Variants in RTL4 observed in about 807,000 individuals in gnomAD.
The protein encoded by RTL4 is retrotransposon Gag like 4.
RTL4 carries 4 observed loss-of-function variants against 5.3 expected under a neutral mutation model. The observed-to-expected ratio is 0.75, with a 90% confidence interval of 0.37 to 1.72. The LOEUF is 1.72. Among genes scored for constraint, RTL4 ranks in the 40% most tolerant of loss-of-function variants. RTL4 has a pLI of 0.04. For synonymous variants in RTL4, 98 were observed against 87.3 expected, an observed-to-expected ratio of 1.12 and a Z score of -0.68; for missense variants, 260 against 227.1, an observed-to-expected ratio of 1.14 and a Z score of -0.93.
the RTL4 span, among the ~76,000 whole-genome samples, chrX:112,402,443 T>C: frequency 1.9e-5 from 2 of 103,481 alleles, no homozygotes; most frequent in East Asian, 6.1e-4. Flanking sequence ...TGTGTGTGTG[T>C]GTAAAAATGC....
At chrX:112,302,045 A>T in the RTL4 span, among the ~76,000 whole-genome samples, 2 of 109,881 alleles carry the variant, frequency 1.8e-5, no homozygotes, top group Non-Finnish European at 3.8e-5. Context: ...TGGATCACGA[A>T]GTCAAGAGAT....
At chrX:112,272,109 G>A in the RTL4 span, among the ~76,000 whole-genome samples, 3 of 111,827 alleles carry the variant, frequency 2.7e-5, no homozygotes, top group East Asian at 2.8e-4. Context: ...ATCATGCCAT[G>A]CATTAGATCT....
At chrX:112,175,723 A>G in the RTL4 span, among the ~76,000 whole-genome samples, 1 of 111,074 alleles carries the variant, frequency 9.0e-6, no homozygotes, top group African/African-American at 3.3e-5. Flanking sequence ...ATTGATGGGA[A>G]GTATCTCAAA....
At chrX:112,359,670 A>T in the RTL4 span, among the ~76,000 whole-genome samples, 1 of 111,140 alleles carries the variant, frequency 9.0e-6, no homozygotes, top group African/African-American at 3.3e-5. Flanking sequence ...AAGAAAAATA[A>T]GCAAGATTCA....
chrX:112,358,988 T>C, the RTL4 span, among the ~76,000 whole-genome samples: 2 of 111,718 alleles, frequency 1.8e-5, no homozygotes, highest in Non-Finnish European at 3.8e-5. Flanking sequence ...GGGTAATCAG[T>C]GCATCGTGGC....
At chrX:112,384,308 C>G in the RTL4 span, among the ~76,000 whole-genome samples, 1 of 111,649 alleles carries the variant, frequency 9.0e-6, no homozygotes, top group Admixed American at 9.5e-5. Context: ...ATGGTATGGC[C>G]CACGTTTTCT....
chrX:112,402,858 G>C, the RTL4 span, among the ~76,000 whole-genome samples: 2 of 111,312 alleles, frequency 1.8e-5, no homozygotes, highest in East Asian at 5.7e-4. Flanking sequence ...ACAGCTTTAA[G>C]GAAGGACAGA....
chrX:112,388,815 A>G, the RTL4 span, among the ~76,000 whole-genome samples: 7 of 111,523 alleles, frequency 6.3e-5, no homozygotes, highest in African/African-American at 2.3e-4. Context: ...TCGGTTTGCA[A>G]GTATTTTGTT....
chrX:112,416,655 G>T, the RTL4 span, among the ~76,000 whole-genome samples: 1 of 112,258 alleles, frequency 8.9e-6, no homozygotes, highest in African/African-American at 3.2e-5. Context: ...ATCAGGCAAG[G>T]CTTAGGTTGA....
chrX:112,393,161 G>GTTTTTTTTTTTTTTTTTTTTTTTT, the RTL4 span, among the ~76,000 whole-genome samples: 1 of 71,298 alleles, frequency 1.4e-5, no homozygotes, highest in Non-Finnish European at 2.8e-5. Context: ...TTTTTTTTTT[G>GTTTTTTTTTTTTTTTTTTTTTTTT]TTTTTTTTTT....
the RTL4 span, among the ~76,000 whole-genome samples, chrX:112,194,834 A>T: frequency 8.9e-6 from 1 of 112,240 alleles, no homozygotes; most frequent in South Asian, 3.7e-4. Flanking sequence ...CTCACATGCC[A>T]AACAGAATAT....
the RTL4 span, among the ~76,000 whole-genome samples, chrX:112,271,670 C>A: frequency 1.8e-5 from 2 of 111,384 alleles, no homozygotes; most frequent in African/African-American, 3.3e-5. Flanking sequence ...TATAATAAAC[C>A]AGTAAAAATT....
chrX:112,317,105 TAAAC>T, the RTL4 span, among the ~76,000 whole-genome samples: 2 of 110,594 alleles, frequency 1.8e-5, no homozygotes, highest in Admixed American at 9.7e-5. Flanking sequence ...GGAAAGAAAA[TAAAC>T]AAACAAACAA....
the RTL4 span, among the ~76,000 whole-genome samples, chrX:112,261,832 T>C: frequency 2.7e-5 from 3 of 111,619 alleles, no homozygotes; most frequent in Non-Finnish European, 3.8e-5. Flanking sequence ...ATGGTACTGG[T>C]ACCAAAACAG....
the RTL4 span, among the ~76,000 whole-genome samples, chrX:112,437,775 C>G: frequency 1.1e-5 from 1 of 91,291 alleles, no homozygotes; most frequent in East Asian, 4.1e-4. Flanking sequence ...AATAAACACT[C>G]TGTAAGTCAT....
chrX:112,310,295 C>A, the RTL4 span, among the ~76,000 whole-genome samples: 2 of 78,996 alleles, frequency 2.5e-5, no homozygotes, highest in Non-Finnish European at 4.7e-5. Flanking sequence ...CCACTTGAGA[C>A]AGCAAGAGGT....
chrX:112,267,191 T>G, the RTL4 span, among the ~76,000 whole-genome samples: 1 of 111,895 alleles, frequency 8.9e-6, no homozygotes, highest in Non-Finnish European at 1.9e-5. Context: ...AAAGGAGTTC[T>G]CTACTTACTG....
the RTL4 span, among the ~76,000 whole-genome samples, chrX:112,290,641 A>T: frequency 8.9e-6 from 1 of 112,630 alleles, no homozygotes; most frequent in Non-Finnish European, 1.9e-5. Flanking sequence ...GCTATAACAT[A>T]CTAACTAGCT....
chrX:112,214,223 G>A, the RTL4 span, among the ~76,000 whole-genome samples: 2 of 111,449 alleles, frequency 1.8e-5, no homozygotes, highest in African/African-American at 3.3e-5. Flanking sequence ...CTCTATGAAT[G>A]TAACTATTTT....
Sources: allele counts gnomAD v4.1 joint callset (sites outside exome capture counted in the v4.1 genomes callset), GRCh38; gene constraint gnomAD v4.1.1; transcripts MANE v1.5; gene names NCBI Gene and HGNC (gene_info 2026-07-23, HGNC 2026-07-21).